Variants in CDC37L1 observed in about 807,000 individuals in gnomAD.
CDC37L1 encodes the protein cell division cycle 37 like 1, HSP90 cochaperone.
Under a neutral mutation model 45.9 loss-of-function variants are expected in CDC37L1, and 32 were observed. The ratio of observed to expected loss-of-function variants is 0.70; its 90% confidence interval spans 0.53 to 0.94. CDC37L1 has a LOEUF of 0.94. CDC37L1 is among the 40% of genes least tolerant of loss of function. The pLI is 0.00. For synonymous variants in CDC37L1, 150 were observed against 133.0 expected, an observed-to-expected ratio of 1.13 and a Z score of -0.88; for missense variants, 434 against 405.7, an observed-to-expected ratio of 1.07 and a Z score of -0.60.
chr9:4,689,146 C>G (rs1181575020), intron 3 of CDC37L1, among the ~76,000 whole-genome samples: 1 of 152,060 alleles, frequency 6.6e-6, no homozygotes, highest in Non-Finnish European at 1.5e-5. Flanking sequence ...GAGCCAGCAT[C>G]TGAGCTTGAT....
intron 6 of CDC37L1, chr9:4,703,030 C>T: frequency 2.0e-6 from 3 of 1,499,238 alleles, no homozygotes; most frequent in Non-Finnish European, 2.7e-6. Context: ...ATAATTCCTA[C>T]CCATTTGATT....
intron 6 of CDC37L1, among the ~76,000 whole-genome samples, chr9:4,704,485 A>G (rs1841425983): frequency 1.3e-5 from 2 of 152,208 alleles, no homozygotes; most frequent in Admixed American, 6.5e-5. Flanking sequence ...AGTATCTTAC[A>G]GTTCTTAGGA....
chr9:4,681,269 C>G lies in CDC37L1; in HGVS notation c.132+1370C>G, dbSNP rs367871518. ...TGTATGTTAATTTCTTACTTGTGCA[C>G]TTCTAAATTTGTTTAGCTGGAAGAG... On this transcript the variant is annotated intron_variant, in intron 1 of 6. Coordinates refer to ENST00000381854, the MANE Select transcript of CDC37L1 (RefSeq NM_017913.4). Among the ~76,000 whole-genome samples the G allele has an allele frequency of 3.3e-5, 5 of 152,288 alleles. No individual in the cohort carries two copies. In the South Asian group the frequency reaches 1.0e-3, roughly 32 times the overall value.
intron 6 of CDC37L1, among the ~76,000 whole-genome samples, chr9:4,704,364 A>G (rs1841424698): frequency 6.6e-6 from 1 of 152,202 alleles, no homozygotes; most frequent in South Asian, 2.1e-4. Context: ...ACTGTGAATC[A>G]TATGTGTTGA....
rs1330654300 is a variant in CDC37L1 at position 4,707,366 on chromosome 9, G to T, written c.*1254G>T. The stretch of plus-strand genomic sequence containing the variant: ...TGGTTATATTTGGGTGTAGTCTTTG[G>T]CTAAGTACCCATTAAGGCTAGTAGC... On this transcript the variant is annotated 3_prime_UTR_variant, in exon 7 of 7. Transcript: ENST00000381854. The T allele has an allele frequency of 6.6e-6, 1 of 152,104 alleles. No homozygotes were observed. The highest frequency in any genetic ancestry group is 1.5e-5 in the Non-Finnish European group (1 of 68,028). The allele number at this position is 152,104 out of a possible 1,614,324, so 9.4% of individuals were successfully genotyped here. A position where few individuals can be genotyped will look rare whatever the true frequency, so the allele number is the denominator to read the frequency against.
chr9:4,697,950 T>G (rs1051126460), intron 5 of CDC37L1, 71 bp downstream of exon 5: 14 of 1,429,086 alleles, frequency 9.8e-6, no homozygotes, highest in African/African-American at 1.4e-5. Flanking sequence ...TCTGTTCATA[T>G]CAATAGAAGG....
chr9:4,688,366 T>C (rs1405130694), intron 2 of CDC37L1, 147 bp from the exon 3 acceptor site: 11 of 403,990 alleles, frequency 2.7e-5, no homozygotes, highest in Non-Finnish European at 4.6e-5. Context: ...AAAAATAGTT[T>C]ACCAGATGAA....
At position 4,707,182 on chromosome 9, in the gene CDC37L1, C is replaced by CAGTT. The variant is rs1372093598; in HGVS notation, c.*1072_*1075dup. ...ATTTGGCATTTCCCCTTTTTCAGCTCAGTTACCATAGAATACTTCCAAGCT... is the reference window on the plus strand; with the variant it reads ...ATTTGGCATTTCCCCTTTTTCAGCTCAGTTAGTTACCATAGAATACTTCCAAGCT... On this transcript the variant is annotated 3_prime_UTR_variant, in exon 7 of 7. Coordinates refer to ENST00000381854, the MANE Select transcript of CDC37L1 (RefSeq NM_017913.4). The CAGTT allele has an allele frequency of 4.6e-5, 7 of 152,090 alleles. No individual in the cohort carries two copies. The highest frequency in any genetic ancestry group is 8.8e-5 in the Non-Finnish European group (6 of 68,014). 9.4% of individuals were successfully genotyped at this position (152,090 alleles called of 1,614,324 possible). A position where few individuals can be genotyped will look rare whatever the true frequency, so the allele number is the denominator to read the frequency against.
At chr9:4,701,038 A>G (rs1841391301) in intron 5 of CDC37L1, among the ~76,000 whole-genome samples, 1 of 152,250 alleles carries the variant, frequency 6.6e-6, no homozygotes, top group Non-Finnish European at 1.5e-5. Context: ...ATGGCAGCAC[A>G]GAACACTCTC....
At chr9:4,696,967 A>C in intron 3 of CDC37L1, 129 bp from the exon 4 acceptor site, 1 of 585,848 alleles carries the variant, frequency 1.7e-6, no homozygotes. Context: ...TGGTAATATG[A>C]ATTGTCTTTA....
rs1292194941 is a variant in CDC37L1, at chr9:4,697,624, A to G, written c.625-133A>G. On this transcript the variant is annotated intron_variant, in intron 4 of 6. Transcript: ENST00000381854. ...AAAAAAACTAAGATATACTCTTTAT[A>G]TGTTTGTAAAGTATTTGACTTATAA... is the stretch of plus-strand genomic sequence containing the variant. The G allele has an allele frequency of 5.3e-6, 3 of 561,144 alleles. No homozygotes were observed. In the African/African-American group the frequency reaches 5.7e-5, roughly 11 times the overall value. 34.8% of individuals were successfully genotyped at this position (561,144 alleles called of 1,614,324 possible).
At chr9:4,698,941 C>CT (rs1554623059) in intron 5 of CDC37L1, among the ~76,000 whole-genome samples, 4 of 151,596 alleles carry the variant, frequency 2.6e-5, no homozygotes, top group South Asian at 2.1e-4. Flanking sequence ...TTTTGGAAAA[C>CT]TTTTTTTTTA....
intron 4 of CDC37L1, 145 bp downstream of exon 4, chr9:4,697,356 C>A: frequency 1.6e-6 from 1 of 608,228 alleles, no homozygotes; most frequent in South Asian, 1.9e-5. Flanking sequence ...TTTTTGCTTC[C>A]AGATCTACTT....
Position 4,691,350 on chromosome 9 carries a change from G to C in CDC37L1, c.508+2744G>C, listed in dbSNP as rs757357857. On this transcript the variant is annotated intron_variant, in intron 3 of 6. Transcript: ENST00000381854. ...ACCCTCCGCCCTTCGGTAAACTCCA[G>C]TGTGTGTTGTTCCCCTTTATGTGTG... Among the ~76,000 whole-genome samples, 117 of 152,150 alleles carry C rather than the reference G, an allele frequency of 7.7e-4. 2 individuals are homozygous for C. Among genetic ancestry groups the C allele is most frequent in the Non-Finnish European group, 2.8e-4 (19 of 68,040 alleles).
In CDC37L1 at chr9:4,682,329, A is replaced by ATTTTTTTTTTTTTTTTTTTTTTTTTT. The variant is rs1313029477; in HGVS notation, c.132+2445_132+2446insTTTTTTTTTTTTTTTTTTTTTTTTTT. Among the ~76,000 whole-genome samples, 44 of 92,830 alleles carry ATTTTTTTTTTTTTTTTTTTTTTTTTT rather than the reference A, an allele frequency of 4.7e-4. 5 individuals carry two copies. Among genetic ancestry groups the ATTTTTTTTTTTTTTTTTTTTTTTTTT allele is most frequent in the African/African-American group, 2.5e-3 (41 of 16,540 alleles). The allele number at this position is 92,830 out of a possible 152,430, so 60.9% of individuals were successfully genotyped here. On this transcript the variant is annotated intron_variant, in intron 1 of 6. Transcript: ENST00000381854. ...AGGTGCCCACCACTGTGCCCAGCTA[A>ATTTTTTTTTTTTTTTTTTTTTTTTTT]TTTTTTTTTTTTTTTGAGATGGAGT...
intron 3 of CDC37L1, among the ~76,000 whole-genome samples, chr9:4,691,675 T>C (rs1321484069): frequency 6.6e-6 from 1 of 152,130 alleles, no homozygotes; most frequent in Non-Finnish European, 1.5e-5. Context: ...TCCTAACTTT[T>C]CCCTTATACA....
intron 3 of CDC37L1, among the ~76,000 whole-genome samples, chr9:4,691,845 C>T (rs1449855261): frequency 7.9e-5 from 12 of 152,080 alleles, no homozygotes; most frequent in East Asian, 1.9e-4. Flanking sequence ...AGTTAATTCA[C>T]GTTTTATAAA....
intron 2 of CDC37L1, chr9:4,685,405 A>C: frequency 2.9e-6 from 1 of 341,508 alleles, no homozygotes; most frequent in East Asian, 5.2e-5. Context: ...CTGCTGAACA[A>C]ATATTACATA....
chr9:4,681,520 T>C (rs532001431), intron 1 of CDC37L1, among the ~76,000 whole-genome samples: 1 of 152,248 alleles, frequency 6.6e-6, no homozygotes, highest in South Asian at 2.1e-4. Context: ...GGCGCATGCC[T>C]GTGATCCCAG....
Sources: allele counts gnomAD v4.1 joint callset (sites outside exome capture counted in the v4.1 genomes callset), GRCh38; gene constraint gnomAD v4.1.1; transcripts MANE v1.5; gene names NCBI Gene and HGNC (gene_info 2026-07-23, HGNC 2026-07-21).